Variants in BACH2 observed in about 807,000 individuals in gnomAD.
BACH2 encodes the protein BACH transcriptional regulator 2, also known as transcription regulator protein BACH2.
A neutral mutation model predicts 61.8 loss-of-function variants in BACH2; 5 were observed. That is an observed-to-expected ratio of 0.08 (90% confidence interval 0.04 to 0.17). BACH2 has a LOEUF of 0.17. Among genes scored for constraint, BACH2 ranks in the 10% least tolerant of loss-of-function variants. BACH2 has a pLI of 1.00. For synonymous variants in BACH2, 446 were observed against 440.1 expected (o/e 1.01, Z -0.17); for missense variants, 824 against 1,091.1 (o/e 0.76, Z 3.45).
In BACH2 at chr6:89,927,882, G is replaced by C. The variant is rs1772436795; in HGVS notation, c.*4526C>G. 1.3e-5 allele frequency: 2 copies of C among 152,622 alleles called. 1 individual carries two copies. Among genetic ancestry groups the C allele is most frequent in the African/African-American group, 4.8e-5 (2 of 41,456 alleles). 9.5% of individuals were successfully genotyped at this position (152,622 alleles called of 1,614,324 possible). A position where few individuals can be genotyped will look rare whatever the true frequency, so the allele number is the denominator to read the frequency against. On this transcript the variant is annotated 3_prime_UTR_variant, in exon 9 of 9. Coordinates refer to ENST00000257749, the MANE Select transcript of BACH2 (RefSeq NM_021813.4). Reference sequence around the variant, plus strand: ...TATTTGCACACACTATTTGTGTACAGATATGTTCTGTTCTACAGCATCGGT... The same window carrying C: ...TATTTGCACACACTATTTGTGTACACATATGTTCTGTTCTACAGCATCGGT...
intron 1 of BACH2, among the ~76,000 whole-genome samples, chr6:90,284,147 C>T (rs562382836): frequency 1.3e-5 from 2 of 152,166 alleles, no homozygotes; most frequent in Non-Finnish European, 2.9e-5. Flanking sequence ...TGGGATAAGA[C>T]CACTGTGATA....
At chr6:90,149,718 C>T (rs982877208) in intron 4 of BACH2, among the ~76,000 whole-genome samples, 12 of 152,206 alleles carry the variant, frequency 7.9e-5, no homozygotes, top group African/African-American at 2.9e-4. Context: ...AGATGAAAAT[C>T]TTTTCATCCT....
chr6:89,957,418 C>T (rs377095629), intron 6 of BACH2, among the ~76,000 whole-genome samples: 155 of 152,342 alleles, frequency 1.0e-3, no homozygotes, highest in South Asian at 2.3e-3. Flanking sequence ...TTTTTACAGA[C>T]AGGGTCTCCC....
intron 4 of BACH2, among the ~76,000 whole-genome samples, chr6:90,190,471 A>G (rs1325015859): frequency 6.6e-6 from 1 of 152,206 alleles, no homozygotes; most frequent in Non-Finnish European, 1.5e-5. Flanking sequence ...ATTCCAGAAC[A>G]CTTATCTTAC....
At chr6:90,124,897 C>T (rs1783783498) in intron 4 of BACH2, among the ~76,000 whole-genome samples, 1 of 152,186 alleles carries the variant, frequency 6.6e-6, no homozygotes, top group African/African-American at 2.4e-5. Flanking sequence ...CTTGTTCCCT[C>T]ACACTCTTGC....
chr6:90,230,092 G>T (rs1770046304), intron 3 of BACH2, among the ~76,000 whole-genome samples: 1 of 152,212 alleles, frequency 6.6e-6, no homozygotes, highest in Non-Finnish European at 1.5e-5. Context: ...CCCCAGGTGT[G>T]GTTATGTCAT....
At chr6:90,247,080 A>G (rs1254784769) in intron 3 of BACH2, among the ~76,000 whole-genome samples, 1 of 152,216 alleles carries the variant, frequency 6.6e-6, no homozygotes, top group Non-Finnish European at 1.5e-5. Context: ...AGACAAAGCT[A>G]AAGACCACAT....
intron 4 of BACH2, among the ~76,000 whole-genome samples, chr6:90,160,880 G>T (rs1582433953): frequency 6.6e-6 from 1 of 152,072 alleles, no homozygotes; most frequent in African/African-American, 2.4e-5. Flanking sequence ...CACGAGGTCA[G>T]GAGATAAAGA....
intron 1 of BACH2, among the ~76,000 whole-genome samples, chr6:90,294,405 G>C (rs1247848881): frequency 6.6e-6 from 1 of 152,002 alleles, no homozygotes; most frequent in African/African-American, 2.4e-5. Flanking sequence ...GGTTTCGAGA[G>C]TAAAAAAAAC....
At chr6:90,201,910 A>C (rs1429843013) in intron 4 of BACH2, among the ~76,000 whole-genome samples, 1 of 152,192 alleles carries the variant, frequency 6.6e-6, no homozygotes, top group Non-Finnish European at 1.5e-5. Context: ...GGTGTCCTGG[A>C]AAGGAGAGAG....
At chr6:90,264,048 T>C (rs1440834743) in intron 2 of BACH2, among the ~76,000 whole-genome samples, 3 of 152,188 alleles carry the variant, frequency 2.0e-5, no homozygotes, top group Non-Finnish European at 2.9e-5. Context: ...AAAATCTGCA[T>C]TCATTGAGTG....
chr6:90,204,191 T>C (rs1001444589), intron 4 of BACH2, among the ~76,000 whole-genome samples: 1 of 152,134 alleles, frequency 6.6e-6, no homozygotes. Context: ...AGCTGGGATT[T>C]AGGAAGAAAG....
intron 5 of BACH2, among the ~76,000 whole-genome samples, chr6:90,057,221 G>A (rs191693656): frequency 2.6e-5 from 4 of 152,172 alleles, no homozygotes; most frequent in South Asian, 2.1e-4. Flanking sequence ...TTGATAGACT[G>A]CTAGCAAGAC....
intron 4 of BACH2, among the ~76,000 whole-genome samples, chr6:90,164,813 C>T (rs1767549114): frequency 1.3e-5 from 2 of 152,144 alleles, no homozygotes; most frequent in Admixed American, 1.3e-4. Context: ...AGACAAAAAC[C>T]ACATGATTAT....
intron 4 of BACH2, among the ~76,000 whole-genome samples, chr6:90,146,107 ATTTATT>A (rs933372088): frequency 2.0e-5 from 3 of 152,264 alleles, no homozygotes; most frequent in African/African-American, 4.8e-5. Context: ...AAGATGAATA[ATTTATT>A]TTTAAGATTA....
chr6:90,263,762 A>C (rs1181819235), intron 2 of BACH2, among the ~76,000 whole-genome samples: 1 of 152,236 alleles, frequency 6.6e-6, no homozygotes, highest in African/African-American at 2.4e-5. Context: ...ATTAAATGTC[A>C]GGAAAGGACT....
intron 5 of BACH2, among the ~76,000 whole-genome samples, chr6:90,058,578 C>T (rs1562408796): frequency 6.6e-6 from 1 of 152,054 alleles, no homozygotes; most frequent in Non-Finnish European, 1.5e-5. Flanking sequence ...AATGCCATCC[C>T]CATCAAGCTA....
chr6:90,170,958 G>C (rs990249068), intron 4 of BACH2, among the ~76,000 whole-genome samples: 5 of 151,932 alleles, frequency 3.3e-5, no homozygotes, highest in Non-Finnish European at 5.9e-5. Flanking sequence ...GAGACAAAGG[G>C]ACAGCCTAAT....
At chr6:90,167,651 G>A (rs1339588501) in intron 4 of BACH2, among the ~76,000 whole-genome samples, 1 of 152,154 alleles carries the variant, frequency 6.6e-6, no homozygotes, top group Non-Finnish European at 1.5e-5. Flanking sequence ...GAGCCACTGC[G>A]CCTGGCCTGC....
Sources: gnomAD v4.1 joint callset for allele counts (sites outside exome capture counted in the v4.1 genomes callset) on GRCh38, gnomAD v4.1.1 for gene constraint, MANE v1.5 for transcripts, NCBI Gene and HGNC (gene_info 2026-07-23, HGNC 2026-07-21) for gene names.